Variants in SP3 observed in about 807,000 individuals in gnomAD.
SP3 encodes Sp3 transcription factor.
Under a neutral mutation model 70.3 loss-of-function variants are expected in SP3, and 10 were observed. That is an observed-to-expected ratio of 0.14 (90% CI 0.09 to 0.24). The LOEUF is 0.24. Among genes scored for constraint, SP3 ranks in the 10% least tolerant of loss-of-function variants. The pLI is 1.00. For synonymous variants in SP3, 402 were observed against 333.5 expected, an observed-to-expected ratio of 1.21 and a Z score of -2.24; for missense variants, 825 against 914.6, an observed-to-expected ratio of 0.90 and a Z score of 1.26.
At chr2:173,927,367 C>T (rs1290145447) in intron 4 of SP3, among the ~76,000 whole-genome samples, 4 of 151,820 alleles carry the variant, frequency 2.6e-5, no homozygotes, top group Non-Finnish European at 4.4e-5. Flanking sequence ...CTTCCACTTC[C>T]CAGGGTTCAA....
At chr2:173,918,978 T>C (rs1689678517) in intron 4 of SP3, among the ~76,000 whole-genome samples, 193 bp from the exon 5 acceptor site, 1 of 152,220 alleles carries the variant, frequency 6.6e-6, no homozygotes. Context: ...AGTAATCTCC[T>C]GTATAAATGC....
rs764965889 is a variant in SP3 at position 173,963,851 on chromosome 2, G to C, written c.189C>G (p.Ala63=). Residue 63 remains alanine, a synonymous_variant, in exon 3 of 7, where the codon GCC becomes GCG. Coordinates refer to ENST00000310015, the MANE Select transcript of SP3 (RefSeq NM_003111.5). ...GCGGCCCTATCTTGCTGCAGGTAGC[G>C]GCCAGCAGAGCGAGCGGTGACGGCT... ...DTQPSPLALL[A]ATCSKIGPPS... is the part of the protein sequence containing the mutation. 4 of 1,505,608 alleles carry C rather than the reference G, an allele frequency of 2.7e-6. No homozygotes were observed. Among genetic ancestry groups the C allele is most frequent in the African/African-American group, 1.4e-5 (1 of 69,166 alleles). 93.3% of individuals were successfully genotyped at this position (1,505,608 alleles called of 1,614,324 possible).
intron 3 of SP3, among the ~76,000 whole-genome samples, chr2:173,959,814 T>C (rs778466392): frequency 6.6e-6 from 1 of 152,146 alleles, no homozygotes; most frequent in Non-Finnish European, 1.5e-5. Context: ...GAACTAGTAT[T>C]TGGTTTAGAA....
At chr2:173,939,764 C>CAAAAAAAAAAAAAAAAAAAAAAA (rs3045251) in intron 4 of SP3, among the ~76,000 whole-genome samples, 18 of 70,196 alleles carry the variant, frequency 2.6e-4, no homozygotes, top group African/African-American at 5.5e-4. Context: ...GACTCCAACT[C>CAAAAAAAAAAAAAAAAAAAAAAA]AAAAAAAAAA....
chr2:173,965,048 C>T, intron 1 of SP3, 117 bp downstream of exon 1: 2 of 1,377,740 alleles, frequency 1.5e-6, no homozygotes, highest in South Asian at 2.6e-5. Context: ...CTGCCTCTCA[C>T]AGACACTCGG....
intron 3 of SP3, among the ~76,000 whole-genome samples, chr2:173,958,118 T>C (rs1314074695): frequency 1.3e-5 from 2 of 152,126 alleles, no homozygotes; most frequent in Admixed American, 1.3e-4. Context: ...GAGGATCCAC[T>C]GAAATTTTTT....
chr2:173,952,777 T>C (rs1690751038), intron 4 of SP3, among the ~76,000 whole-genome samples: 1 of 152,280 alleles, frequency 6.6e-6, no homozygotes, highest in African/African-American at 2.4e-5. Context: ...GAAAACATCA[T>C]GCTAAATGAA....
upstream of SP3, chr2:173,965,516 ACAATG>A (rs890015865): frequency 3.5e-6 from 1 of 288,452 alleles, no homozygotes; most frequent in African/African-American, 2.2e-5. Flanking sequence ...AAGGGGAGAG[ACAATG>A]AGCGGCCGTG....
chr2:173,962,362 T>C (rs1349480933), intron 3 of SP3, among the ~76,000 whole-genome samples: 1 of 152,250 alleles, frequency 6.6e-6, no homozygotes, highest in Non-Finnish European at 1.5e-5. Context: ...ATTTTACTTA[T>C]GCAGTAGTTT....
intron 4 of SP3, among the ~76,000 whole-genome samples, chr2:173,926,887 T>A (rs1483620072): frequency 6.6e-6 from 1 of 152,188 alleles, no homozygotes; most frequent in African/African-American, 2.4e-5. Context: ...CTCCCACTGC[T>A]ATGAAGAGAT....
rs928144873 is a variant in SP3, at chr2:173,907,913, G to A, written c.*2028C>T. On this transcript the variant is annotated 3_prime_UTR_variant, in exon 7 of 7. Transcript: ENST00000310015. Reference sequence around the variant, plus strand: ...TTAGAAAAACTGTCCATGTTTATGCGTGTCTAGAGTTCTCCAATGCAATCA... The same window carrying A: ...TTAGAAAAACTGTCCATGTTTATGCATGTCTAGAGTTCTCCAATGCAATCA... 6 of 152,134 alleles carry A rather than the reference G, an allele frequency of 3.9e-5. No homozygotes were observed. Among genetic ancestry groups the A allele is most frequent in the South Asian group, 2.1e-4 (1 of 4,826 alleles). The allele number at this position is 152,134 out of a possible 1,614,324, so 9.4% of individuals were successfully genotyped here.
intron 3 of SP3, among the ~76,000 whole-genome samples, chr2:173,959,363 GTT>G (rs1214908391): frequency 2.7e-5 from 4 of 150,574 alleles, no homozygotes; most frequent in African/African-American, 9.8e-5. Flanking sequence ...AAAAAAAAAA[GTT>G]TGAAAAATGT....
At position 173,902,776 on chromosome 2, in the gene SP3, TATA is replaced by T. The variant is rs1477916683; in HGVS notation, c.*7162_*7164del. On this transcript the variant is annotated 3_prime_UTR_variant, in exon 7 of 7. Transcript: ENST00000310015. ...AAAAACAATCCTAGGTATGCATACA[TATA>T]ATAAGGATATAAAACCACTCATGGT... Among the ~76,000 whole-genome samples, 1 of 152,168 alleles carries T rather than the reference TATA, an allele frequency of 6.6e-6. No homozygotes were observed. Among genetic ancestry groups the T allele is most frequent in the Non-Finnish European group, 1.5e-5 (1 of 68,026 alleles).
chr2:173,955,109 A>G lies in SP3; in HGVS notation c.1403T>C (p.Val468Ala). ...ATTCTGCAAGTTCTGGACCCCTTGT[A>G]CTTGAAACGTTTGCCAAGTTACCTG... ...SGQVTWQTFQ[V>A]QGVQNLQNLQ... The change falls in exon 4 of 7, where the codon GTA becomes GCA. Residue 468 changes from valine (V) to alanine (A), a missense_variant. This residue lies in a region of SP3 where 678 missense variants were observed against 651.6 expected (regional missense o/e 1.04). Coordinates refer to ENST00000310015, the MANE Select transcript of SP3 (RefSeq NM_003111.5). 1 of 1,614,212 alleles carries G rather than the reference A, an allele frequency of 6.2e-7. No individual in the cohort carries two copies. The highest frequency in any genetic ancestry group is 1.1e-5 in the South Asian group (1 of 91,084).
chr2:173,938,357 G>A (rs1224491534), intron 4 of SP3, among the ~76,000 whole-genome samples: 1 of 151,210 alleles, frequency 6.6e-6, no homozygotes, highest in Non-Finnish European at 1.5e-5. Context: ...CTCGGGAGAG[G>A]CTGAGGCAGG....
rs1034590205 is a variant in SP3, at chr2:173,905,843, A to C, written c.*4098T>G. ...GTGAGACCCCATCTCTACAAAACAAATTAAAATTAACTGAGCATGGTGGTG... is the reference window on the plus strand; with the variant it reads ...GTGAGACCCCATCTCTACAAAACAACTTAAAATTAACTGAGCATGGTGGTG... On this transcript the variant is annotated 3_prime_UTR_variant, in exon 7 of 7. Transcript: ENST00000310015. 3.3e-5 allele frequency among the ~76,000 whole-genome samples: 5 copies of C among 152,134 alleles called. No individual in the cohort carries two copies. The highest frequency in any genetic ancestry group is 4.8e-5 in the African/African-American group (2 of 41,436).
At chr2:173,921,478 T>A (rs989068599) in intron 4 of SP3, among the ~76,000 whole-genome samples, 2 of 152,116 alleles carry the variant, frequency 1.3e-5, no homozygotes, top group Non-Finnish European at 2.9e-5. Flanking sequence ...CGATTGAACC[T>A]AGGAGTTCAA....
chr2:173,945,613 CA>C, intron 4 of SP3, among the ~76,000 whole-genome samples: 1 of 152,132 alleles, frequency 6.6e-6, no homozygotes, highest in East Asian at 1.9e-4. Context: ...AGCCAATGAA[CA>C]TGCACATATG....
chr2:173,950,522 T>G (rs1690680578), intron 4 of SP3, among the ~76,000 whole-genome samples: 1 of 151,906 alleles, frequency 6.6e-6, no homozygotes, highest in African/African-American at 2.4e-5. Context: ...CTACAAAAAA[T>G]TTAAAACTTA....
Sources: gnomAD v4.1 joint callset for allele counts (sites outside exome capture counted in the v4.1 genomes callset) on GRCh38, gnomAD v4.1.1 for gene constraint, gnomAD v4.1.1 regional missense constraint, MANE v1.5 for transcripts, NCBI Gene and HGNC (gene_info 2026-07-23, HGNC 2026-07-21) for gene names.